Variants in CNBD1 observed in about 807,000 individuals in gnomAD.
CNBD1 encodes the protein cyclic nucleotide-binding domain-containing protein 1.
In CNBD1, 71 loss-of-function variants were observed where a neutral mutation model predicts 54.4. The observed-to-expected ratio is 1.30, with a 90% CI of 1.08 to 1.59. The LOEUF (loss-of-function observed/expected upper bound fraction) is 1.59. Ranked by LOEUF, CNBD1 falls within the 40% of genes most tolerant of loss-of-function variation. The probability of loss-of-function intolerance (pLI) is 0.00; values close to 1 mark genes in which losing one functional copy is unlikely to be tolerated. For missense variants in CNBD1, 659 were observed against 518.0 expected (o/e 1.27, Z -2.64); for synonymous variants, 182 against 170.7 (o/e 1.07, Z -0.51).
intron 4 of CNBD1, among the ~76,000 whole-genome samples, chr8:87,096,551 G>A (rs1450881608): frequency 6.6e-6 from 1 of 152,062 alleles, no homozygotes; most frequent in African/African-American, 2.4e-5. Flanking sequence ...AATTTTTAAT[G>A]CTGGAAAGCA....
intron 6 of CNBD1, among the ~76,000 whole-genome samples, chr8:87,246,927 CT>C (rs1172141209): frequency 6.6e-6 from 1 of 152,054 alleles, no homozygotes; most frequent in Non-Finnish European, 1.5e-5. Flanking sequence ...GAGCCCTGAG[CT>C]TGTTTTCCTG....
chr8:87,063,445 A>G (rs1440911388), intron 4 of CNBD1, among the ~76,000 whole-genome samples: 1 of 152,130 alleles, frequency 6.6e-6, no homozygotes, highest in East Asian at 1.9e-4. Context: ...TGATGTATTC[A>G]AGTGTTTAGT....
intron 4 of CNBD1, among the ~76,000 whole-genome samples, chr8:86,987,069 G>A (rs1226227231): frequency 2.0e-5 from 3 of 152,160 alleles, no homozygotes; most frequent in Non-Finnish European, 2.9e-5. Context: ...TAGTTTGACA[G>A]GAATAGCATT....
chr8:86,934,763 A>G (rs1809514811), intron 3 of CNBD1, among the ~76,000 whole-genome samples: 1 of 152,206 alleles, frequency 6.6e-6, no homozygotes. Flanking sequence ...GTTAAATAAC[A>G]ATCCTGGAAT....
chr8:87,038,090 C>T (rs1289058053), intron 4 of CNBD1, among the ~76,000 whole-genome samples: 1 of 152,148 alleles, frequency 6.6e-6, no homozygotes, highest in Non-Finnish European at 1.5e-5. Flanking sequence ...TCTTCAGTAA[C>T]ATGCCTCACT....
chr8:87,382,556 A>G (rs565961082), intron 10 of CNBD1, 64 bp from the exon 11 acceptor site: 6 of 1,373,964 alleles, frequency 4.4e-6, no homozygotes, highest in African/African-American at 1.4e-5. Flanking sequence ...ATTCTGTAGG[A>G]AAATAATTAC....
At chr8:87,108,024 T>C (rs975770034) in intron 4 of CNBD1, among the ~76,000 whole-genome samples, 4 of 152,342 alleles carry the variant, frequency 2.6e-5, no homozygotes, top group Middle Eastern at 3.4e-3. Flanking sequence ...TTTATAGTAT[T>C]ATATAGTACT....
At chr8:87,064,336 A>G (rs1343024354) in intron 4 of CNBD1, among the ~76,000 whole-genome samples, 1 of 151,746 alleles carries the variant, frequency 6.6e-6, no homozygotes, top group Admixed American at 6.6e-5. Context: ...TGGTTATCCA[A>G]TTTTCAGCTT....
At chr8:87,002,350 TACA>T (rs1394442879) in intron 4 of CNBD1, among the ~76,000 whole-genome samples, 3 of 152,180 alleles carry the variant, frequency 2.0e-5, no homozygotes, top group Non-Finnish European at 4.4e-5. Flanking sequence ...GGTGGTTTTT[TACA>T]ACAATTAATC....
chr8:86,959,391 G>A, intron 4 of CNBD1, among the ~76,000 whole-genome samples: 1 of 152,104 alleles, frequency 6.6e-6, no homozygotes, highest in Non-Finnish European at 1.5e-5. Flanking sequence ...TTTGATTGTT[G>A]GCCTGCCTTG....
At chr8:87,119,089 G>T (rs1225396656) in intron 4 of CNBD1, among the ~76,000 whole-genome samples, 2 of 151,852 alleles carry the variant, frequency 1.3e-5, no homozygotes, top group Admixed American at 1.3e-4. Flanking sequence ...GCCTTTTTTG[G>T]TTCCATATGA....
intron 4 of CNBD1, among the ~76,000 whole-genome samples, chr8:87,143,467 T>G (rs2130740847): frequency 6.6e-6 from 1 of 152,306 alleles, no homozygotes; most frequent in Non-Finnish European, 1.5e-5. Context: ...CAGATTTCCA[T>G]TTATATCAGT....
chr8:86,974,452 A>G (rs1317860362), intron 4 of CNBD1, among the ~76,000 whole-genome samples: 1 of 152,092 alleles, frequency 6.6e-6, no homozygotes, highest in African/African-American at 2.4e-5. Flanking sequence ...ACTTGTGCAT[A>G]TATGTACCAA....
At position 87,182,751 on chromosome 8, in the gene CNBD1, G is replaced by A. The variant is rs1306777412; in HGVS notation, c.432-23242G>A. ...TTTTTAAATGGGGTTGTTTGCTTTT[G>A]CTTGTTGAATTGTTTAAGTACCTAA... On this transcript the variant is annotated intron_variant, in intron 4 of 10. Coordinates refer to ENST00000518476, the MANE Select transcript of CNBD1 (RefSeq NM_173538.3). The surrounding 1 kb of genome is among the most constrained non-coding windows in gnomAD (Gnocchi z 4.1). 6.6e-6 allele frequency among the ~76,000 whole-genome samples: 1 copy of A among 151,970 alleles called. No homozygotes were observed. The highest frequency in any genetic ancestry group is 2.4e-5 in the African/African-American group (1 of 41,404).
intron 6 of CNBD1, among the ~76,000 whole-genome samples, chr8:87,247,712 A>G (rs1252986043): frequency 2.0e-5 from 3 of 152,180 alleles, no homozygotes; most frequent in African/African-American, 7.2e-5. Context: ...TCATTTCTGT[A>G]TGTAAGAGAA....
chr8:87,309,270 C>T (rs1809217126), intron 8 of CNBD1, among the ~76,000 whole-genome samples: 1 of 152,016 alleles, frequency 6.6e-6, no homozygotes, highest in African/African-American at 2.4e-5. Flanking sequence ...TTGTAATAGC[C>T]ATTAAAACTA....
In CNBD1 at chr8:86,887,530, A is replaced by G. The variant is rs753356662; in HGVS notation, c.89-12A>G. ...GGAAAATTACTCAAATTTTTAATTG[A>G]TTTTTTTTCAGACTTGAAAAAGTCT... On this transcript the variant is annotated splice_polypyrimidine_tract_variant and intron_variant, in intron 1 of 10. Transcript: ENST00000518476. The G allele has an allele frequency of 3.3e-5, 51 of 1,524,716 alleles. No homozygotes were observed. Among genetic ancestry groups the G allele is most frequent in the Non-Finnish European group, 4.1e-5 (46 of 1,125,960 alleles). 94.4% of individuals were successfully genotyped at this position (1,524,716 alleles called of 1,614,324 possible). A position where few individuals can be genotyped will look rare whatever the true frequency, so the allele number is the denominator to read the frequency against.
Position 87,110,194 on chromosome 8 carries a change from G to A in CNBD1, c.432-95799G>A, listed in dbSNP as rs554778543. Among the ~76,000 whole-genome samples the A allele has an allele frequency of 1.4e-4, 22 of 152,252 alleles. No homozygotes were observed. In the South Asian group the frequency reaches 4.1e-3, roughly 29 times the overall value. ...GATGCAGAAACAGTGCTTTCAAAAGGTGTATCATTTCTGCTACAAATGGCA... is the reference window on the plus strand; with the variant it reads ...GATGCAGAAACAGTGCTTTCAAAAGATGTATCATTTCTGCTACAAATGGCA... On this transcript the variant is annotated intron_variant, in intron 4 of 10. Coordinates refer to ENST00000518476, the MANE Select transcript of CNBD1 (RefSeq NM_173538.3).
At chr8:86,988,143 G>GTTTTTTTTTTTTTTTT (rs34699647) in intron 4 of CNBD1, among the ~76,000 whole-genome samples, 2 of 134,354 alleles carry the variant, frequency 1.5e-5, no homozygotes, top group Non-Finnish European at 1.6e-5. Context: ...TGGTTGATAG[G>GTTTTTTTTTTTTTTTT]TTTTTTTTTT....
Sources: allele counts gnomAD v4.1 joint callset (sites outside exome capture counted in the v4.1 genomes callset), GRCh38; gene constraint gnomAD v4.1.1; non-coding constraint Gnocchi (gnomAD v3.1); transcripts MANE v1.5; gene names NCBI Gene and HGNC (gene_info 2026-07-23, HGNC 2026-07-21).